ADAMTS17: variants seen among roughly 807,000 people sequenced by gnomAD.
ADAMTS17 encodes the protein A disintegrin and metalloproteinase with thrombospondin motifs 17.
ADAMTS17 carries 113 observed loss-of-function variants against 141.5 expected under a neutral mutation model. That is an observed-to-expected ratio of 0.80 (90% confidence interval 0.69 to 0.93). The LOEUF (loss-of-function observed/expected upper bound fraction) is 0.93, where lower values mean the gene tolerates loss of function less well. ADAMTS17 is among the 40% of genes least tolerant of loss of function. The pLI, the probability that ADAMTS17 is intolerant of heterozygous loss-of-function variation, is 0.00. For missense variants in ADAMTS17, 1,659 were observed against 1,517.9 expected, an observed-to-expected ratio of 1.09 and a Z score of -1.54; for synonymous variants, 768 against 630.6, an observed-to-expected ratio of 1.22 and a Z score of -3.27.
intron 8 of ADAMTS17, among the ~76,000 whole-genome samples, chr15:100,170,125 G>C (rs2040105378): frequency 6.6e-6 from 1 of 152,132 alleles, no homozygotes; most frequent in Non-Finnish European, 1.5e-5. Flanking sequence ...AGTCCACATG[G>C]GCTTGGGAAC....
chr15:100,292,768 C>G (rs1202016664), intron 3 of ADAMTS17, among the ~76,000 whole-genome samples: 2 of 152,232 alleles, frequency 1.3e-5, no homozygotes, highest in Middle Eastern at 3.2e-3. Context: ...ATCCTTATCA[C>G]CATTCATTCT....
At chr15:100,104,251 T>C (rs1035851970) in intron 14 of ADAMTS17, among the ~76,000 whole-genome samples, 2 of 152,154 alleles carry the variant, frequency 1.3e-5, no homozygotes, top group African/African-American at 4.8e-5. Flanking sequence ...AGGCCAACAG[T>C]AGGAATCATT....
At position 99,993,552 on chromosome 15, in the gene ADAMTS17, T is replaced by G. The variant is rs2060734029; in HGVS notation, c.2797-352A>C. Among the ~76,000 whole-genome samples the G allele has an allele frequency of 2.0e-5, 3 of 151,688 alleles. No individual in the cohort carries two copies. The highest frequency in any genetic ancestry group is 7.3e-5 in the African/African-American group (3 of 41,246). On this transcript the variant is annotated intron_variant, in intron 19 of 21. Transcript: ENST00000268070. This position sits in a 1 kb window ranked among gnomAD's most constrained non-coding sequence, Gnocchi z 4.3. ...GGCAGGTGTGTGATGGAGCCATGAG[T>G]GGGGCAGGGAACAGGGGCCAGCCGG...
intron 18 of ADAMTS17, among the ~76,000 whole-genome samples, chr15:100,013,751 A>T (rs148597278): frequency 0.015 from 2,296 of 152,250 alleles, 53 homozygotes; most frequent in African/African-American, 0.05. Flanking sequence ...ATCATGGTAG[A>T]TTATCTTTTT....
intron 20 of ADAMTS17, chr15:99,979,457 C>G (rs568397077): frequency 6.6e-6 from 1 of 152,090 alleles, no homozygotes; most frequent in Non-Finnish European, 1.5e-5. Flanking sequence ...AGAGTCCACA[C>G]AAATGTGGTA....
intron 3 of ADAMTS17, among the ~76,000 whole-genome samples, chr15:100,287,019 C>G (rs571240197): frequency 6.6e-6 from 1 of 152,272 alleles, no homozygotes; most frequent in South Asian, 2.1e-4. Context: ...TAAACCCCGT[C>G]TCTACTAAAA....
In ADAMTS17 at chr15:100,051,735, G is replaced by C; in HGVS notation, c.2296-4C>G. 2 of 1,614,128 alleles carry C rather than the reference G, an allele frequency of 1.2e-6. No individual in the cohort carries two copies. The highest frequency in any genetic ancestry group is 8.5e-7 in the Non-Finnish European group (1 of 1,180,016). On this transcript the variant is annotated splice_region_variant and splice_polypyrimidine_tract_variant and intron_variant, in intron 16 of 21. Transcript: ENST00000268070. ...CTTGGTCGTGAAATAACAACACCTG[G>C]ATCAGCCGCAAAACAAAAGGCCATT...
rs866303391 is a variant in ADAMTS17, at chr15:100,075,675, T to A, written c.2137+20681A>T. ...TTTCCTGGGATACAAGGCTATATTATCTGTACACATATCTTTTTTCTGATC... is the reference window on the plus strand; with the variant it reads ...TTTCCTGGGATACAAGGCTATATTAACTGTACACATATCTTTTTTCTGATC... On this transcript the variant is annotated intron_variant, in intron 15 of 21. Coordinates refer to ENST00000268070, the MANE Select transcript of ADAMTS17 (RefSeq NM_139057.4). Among the ~76,000 whole-genome samples the A allele has an allele frequency of 5.2e-5, 8 of 152,384 alleles. No homozygotes were observed. In the South Asian group the frequency reaches 8.3e-4, roughly 16 times the overall value.
intron 18 of ADAMTS17, among the ~76,000 whole-genome samples, chr15:100,020,921 T>G (rs7180283): frequency 0.075 from 11,478 of 152,196 alleles, 1,379 homozygotes; most frequent in African/African-American, 0.26. Context: ...CCTCATTTTC[T>G]CCTGCTTCCT....
chr15:100,223,718 T>C (rs568687707), intron 7 of ADAMTS17, among the ~76,000 whole-genome samples: 3 of 150,254 alleles, frequency 2.0e-5, no homozygotes, highest in African/African-American at 5.0e-5. Flanking sequence ...TGTATATACA[T>C]ATAGTGTATA....
chr15:100,253,602 C>T (rs2043231097), intron 7 of ADAMTS17, among the ~76,000 whole-genome samples: 2 of 151,570 alleles, frequency 1.3e-5, no homozygotes, highest in Non-Finnish European at 2.9e-5. Context: ...AGGGTGTTTT[C>T]TCAGCACTGC....
In ADAMTS17 at chr15:100,235,131, A is replaced by G. The variant is rs181378596; in HGVS notation, c.1075+19005T>C. Reference sequence around the variant, plus strand: ...GGCAGACGCGGGCCCACGATGAGATAGGATGCAGGAGGTGCTCGGGGAGAA... The same window carrying G: ...GGCAGACGCGGGCCCACGATGAGATGGGATGCAGGAGGTGCTCGGGGAGAA... On this transcript the variant is annotated intron_variant, in intron 7 of 21. Transcript: ENST00000268070. Among the ~76,000 whole-genome samples, 13 of 152,328 alleles carry G rather than the reference A, an allele frequency of 8.5e-5. No homozygotes were observed. The East Asian group carries it at 1.9e-3, about 23-fold the overall frequency.
At chr15:100,156,057 T>C (rs1463693093) in intron 8 of ADAMTS17, among the ~76,000 whole-genome samples, 1 of 152,178 alleles carries the variant, frequency 6.6e-6, no homozygotes, top group Non-Finnish European at 1.5e-5. Context: ...ACAATCTCAG[T>C]GGAACAACGA....
intron 7 of ADAMTS17, among the ~76,000 whole-genome samples, chr15:100,207,763 G>A (rs757408296): frequency 1.3e-5 from 2 of 152,190 alleles, no homozygotes; most frequent in Non-Finnish European, 2.9e-5. Flanking sequence ...GGTACACCTT[G>A]CAAGTTACAG....
intron 7 of ADAMTS17, among the ~76,000 whole-genome samples, chr15:100,252,619 G>A (rs575275710): frequency 3.9e-5 from 6 of 152,284 alleles, no homozygotes; most frequent in African/African-American, 1.2e-4. Context: ...ACAGACAGAG[G>A]TCAGCCGGTA....
chr15:100,023,699 C>T (rs1035393554), intron 18 of ADAMTS17, among the ~76,000 whole-genome samples: 4 of 152,146 alleles, frequency 2.6e-5, no homozygotes, highest in East Asian at 1.9e-4. Context: ...CACAGAGCCT[C>T]GTGCTTCTTA....
intron 7 of ADAMTS17, among the ~76,000 whole-genome samples, chr15:100,208,254 T>A (rs78961279): frequency 0.019 from 2,840 of 152,328 alleles, 84 homozygotes; most frequent in African/African-American, 0.064. Flanking sequence ...GCAACAGGCA[T>A]TCCGGGTGTG....
intron 3 of ADAMTS17, among the ~76,000 whole-genome samples, chr15:100,322,264 A>G (rs972410869): frequency 6.6e-6 from 1 of 152,166 alleles, no homozygotes; most frequent in Non-Finnish European, 1.5e-5. Flanking sequence ...CAACAAGGTG[A>G]CTGGAAAGTA....
At chr15:100,065,883 C>G (rs893768937) in intron 15 of ADAMTS17, among the ~76,000 whole-genome samples, 2 of 152,178 alleles carry the variant, frequency 1.3e-5, no homozygotes, top group South Asian at 2.1e-4. Flanking sequence ...TCCCCCACCC[C>G]TCAACAGGCT....
Sources: allele counts gnomAD v4.1 joint callset (sites outside exome capture counted in the v4.1 genomes callset), GRCh38; gene constraint gnomAD v4.1.1; non-coding constraint Gnocchi (gnomAD v3.1); transcripts MANE v1.5; gene names NCBI Gene and HGNC (gene_info 2026-07-23, HGNC 2026-07-21).